MME: variants seen among roughly 807,000 people sequenced by gnomAD.
MME encodes the protein neprilysin.
A neutral mutation model predicts 113.2 loss-of-function variants in MME; 98 were observed. The ratio of observed to expected loss-of-function variants is 0.87; its 90% CI spans 0.74 to 1.02. The LOEUF (loss-of-function observed/expected upper bound fraction) is 1.02. Among genes scored for constraint, MME ranks in the 50% least tolerant of loss-of-function variants. The pLI is 0.00. For synonymous variants in MME, 292 were observed against 300.6 expected (o/e 0.97, Z 0.30); for missense variants, 836 against 896.0 (o/e 0.93, Z 0.86).
chr3:155,087,249 GTTT>G (rs71624557), intron 3 of MME, among the ~76,000 whole-genome samples: 9 of 120,922 alleles, frequency 7.4e-5, no homozygotes, highest in African/African-American at 1.3e-4. Flanking sequence ...GTGCCCTTTG[GTTT>G]TTTTTTTTTT....
At chr3:155,167,578 A>G (rs184718445) in intron 18 of MME, among the ~76,000 whole-genome samples, 2 of 152,320 alleles carry the variant, frequency 1.3e-5, no homozygotes, top group Admixed American at 6.5e-5. Flanking sequence ...TAAAGACGTG[A>G]AATATGTAAA....
At chr3:155,071,445 G>C (rs1028267584) in intron 1 of MME, among the ~76,000 whole-genome samples, 6 of 152,122 alleles carry the variant, frequency 3.9e-5, no homozygotes, top group African/African-American at 1.2e-4. Context: ...GTGAGTGACT[G>C]TTTTCAAATA....
At chr3:155,137,709 G>A (rs916257599) in intron 8 of MME, among the ~76,000 whole-genome samples, 2 of 151,972 alleles carry the variant, frequency 1.3e-5, no homozygotes, top group African/African-American at 4.8e-5. Flanking sequence ...CTGTCTCAAT[G>A]AAAAGTAAAA....
At chr3:155,133,739 A>G (rs1441273167) in intron 8 of MME, among the ~76,000 whole-genome samples, 1 of 145,696 alleles carries the variant, frequency 6.9e-6, no homozygotes, top group African/African-American at 2.5e-5. Context: ...ATACATATAT[A>G]TGGTGTATAT....
At chr3:155,151,564 T>C (rs1219095350) in intron 16 of MME, among the ~76,000 whole-genome samples, 1 of 152,222 alleles carries the variant, frequency 6.6e-6, no homozygotes, top group Non-Finnish European at 1.5e-5. Flanking sequence ...TACATGCTTA[T>C]GAAACATCTC....
At chr3:155,026,607 C>G (rs1467531866) in intron 1 of MME, among the ~76,000 whole-genome samples, 1 of 152,104 alleles carries the variant, frequency 6.6e-6, no homozygotes, top group Non-Finnish European at 1.5e-5. Flanking sequence ...GCCTTTCATC[C>G]CAGCTACTTG....
chr3:155,134,503 GTGTATATGTACC>G (rs1386318248), intron 8 of MME, among the ~76,000 whole-genome samples: 13 of 152,216 alleles, frequency 8.5e-5, no homozygotes, highest in African/African-American at 2.9e-4. Context: ...GTATTCCAGG[GTGTATATGTACC>G]ACATTTTCTT....
intron 1 of MME, among the ~76,000 whole-genome samples, chr3:155,044,691 GT>G (rs1713488568): frequency 6.6e-6 from 1 of 151,998 alleles, no homozygotes; most frequent in Non-Finnish European, 1.5e-5. Flanking sequence ...CCATTAAGCA[GT>G]TTCATTATGC....
chr3:155,055,807 A>G lies in MME; in HGVS notation c.-10-28351A>G, dbSNP rs1713905588. Among the ~76,000 whole-genome samples, 3 of 152,206 alleles carry G rather than the reference A, an allele frequency of 2.0e-5. No homozygotes were observed. In the South Asian group the frequency reaches 6.2e-4, roughly 32 times the overall value. ...TTATGCAGGCGTTTAAACTTTGTGA[A>G]TATTAATTGAGATGTATACTTACGA... On this transcript the variant is annotated intron_variant, in intron 1 of 22. Coordinates refer to the MME transcript ENST00000492661.
intron 3 of MME, among the ~76,000 whole-genome samples, chr3:155,087,248 G>GCTTTTTTTTTTTTTT (rs1559908869): frequency 1.5e-5 from 1 of 67,694 alleles, no homozygotes. Context: ...TGTGCCCTTT[G>GCTTTTTTTTTTTTTT]GTTTTTTTTT....
intron 7 of MME, 56 bp downstream of exon 7, chr3:155,117,042 C>A: frequency 1.0e-6 from 1 of 971,478 alleles, no homozygotes; most frequent in Non-Finnish European, 1.7e-6. Context: ...AAAACTTCCA[C>A]ATACATTGTT....
At chr3:155,174,354 GTGT>G (rs1712298504) in intron 22 of MME, among the ~76,000 whole-genome samples, 1 of 149,466 alleles carries the variant, frequency 6.7e-6, no homozygotes, top group African/African-American at 2.5e-5. Context: ...GTGTGTGTGT[GTGT>G]GTGTGTGTGT....
At chr3:155,146,364 A>G (rs1721511447) in intron 14 of MME, among the ~76,000 whole-genome samples, 1 of 151,860 alleles carries the variant, frequency 6.6e-6, no homozygotes, top group African/African-American at 2.4e-5. Flanking sequence ...TGTCTCTACA[A>G]AAAATACAAA....
At chr3:155,171,373 G>T (rs1351192576) in intron 20 of MME, among the ~76,000 whole-genome samples, 2 of 152,108 alleles carry the variant, frequency 1.3e-5, no homozygotes, top group Non-Finnish European at 2.9e-5. Flanking sequence ...TATATTTTCT[G>T]CTCATCTAGT....
intron 1 of MME, among the ~76,000 whole-genome samples, chr3:155,049,885 T>TAC (rs1391238873): frequency 6.6e-6 from 1 of 152,172 alleles, no homozygotes; most frequent in Non-Finnish European, 1.5e-5. Context: ...GTTATATACA[T>TAC]ACACTCATGT....
chr3:155,110,690 T>A (rs1718123033), intron 3 of MME, among the ~76,000 whole-genome samples: 1 of 152,214 alleles, frequency 6.6e-6, no homozygotes. Context: ...TAAAAATAAC[T>A]TTTTTCCCTT....
At chr3:155,024,525 G>C (rs1457799963) in intron 1 of MME, among the ~76,000 whole-genome samples, 1 of 152,128 alleles carries the variant, frequency 6.6e-6, no homozygotes, top group Admixed American at 6.6e-5. Context: ...ATAATAAATA[G>C]AGCTGGCAGT....
intron 1 of MME, among the ~76,000 whole-genome samples, chr3:155,026,402 A>G (rs1212755273): frequency 6.6e-6 from 1 of 152,156 alleles, no homozygotes; most frequent in Non-Finnish European, 1.5e-5. Context: ...GGTCAAAGAC[A>G]GAGTTAGATC....
At chr3:155,140,410 C>CTTTTTT (rs35653282) in intron 10 of MME, 118 bp downstream of exon 10, 8 of 288,886 alleles carry the variant, frequency 2.8e-5, no homozygotes, top group Admixed American at 5.9e-5. Flanking sequence ...ACTTCAATTC[C>CTTTTTT]TTTTTTTTTT....
Sources: allele counts gnomAD v4.1 joint callset (sites outside exome capture counted in the v4.1 genomes callset), GRCh38; gene constraint gnomAD v4.1.1; transcripts MANE v1.5; gene names NCBI Gene and HGNC (gene_info 2026-07-23, HGNC 2026-07-21).